The following CYB5A variants were observed in gnomAD, a reference collection of about 807,000 sequenced individuals.
CYB5A encodes the protein cytochrome b5 type A.
CYB5A carries 10 observed loss-of-function variants against 16.2 expected under a neutral mutation model. The observed-to-expected ratio is 0.62, with a 90% CI of 0.38 to 1.04. The LOEUF is 1.04. Among genes scored for constraint, CYB5A ranks in the 50% least tolerant of loss-of-function variants. The probability of loss-of-function intolerance (pLI) is 0.01; values close to 1 mark genes in which losing one functional copy is unlikely to be tolerated. For synonymous variants in CYB5A, 62 were observed against 57.0 expected, an observed-to-expected ratio of 1.09 and a Z score of -0.40; for missense variants, 161 against 165.9, an observed-to-expected ratio of 0.97 and a Z score of 0.16.
chr18:74,286,235 C>T (rs1983315750), intron 1 of CYB5A, among the ~76,000 whole-genome samples: 1 of 152,234 alleles, frequency 6.6e-6, no homozygotes, highest in Admixed American at 6.5e-5. Flanking sequence ...ACACTGTCCA[C>T]TTCCTTAACA....
intron 1 of CYB5A, among the ~76,000 whole-genome samples, chr18:74,268,150 C>G (rs893656589): frequency 2.0e-5 from 3 of 152,216 alleles, no homozygotes; most frequent in Admixed American, 2.0e-4. Flanking sequence ...GGGGAGTTCA[C>G]AGCCGGAGAG....
In CYB5A at chr18:74,251,838, A is replaced by T. The variant is rs1467561437; in HGVS notation, c.*1746T>A. ...TGCTGAGTCACTGATAAAAATGTCA[A>T]AGTTCAACTGTTATGTTTCTTAACG... On this transcript the variant is annotated 3_prime_UTR_variant, in exon 5 of 5. Coordinates refer to ENST00000340533, the MANE Select transcript of CYB5A (RefSeq NM_148923.4). 6.6e-6 allele frequency: 1 copy of T among 152,212 alleles called. No homozygotes were observed. The highest frequency in any genetic ancestry group is 2.4e-5 in the African/African-American group (1 of 41,464). 9.4% of individuals were successfully genotyped at this position (152,212 alleles called of 1,614,324 possible).
intron 1 of CYB5A, among the ~76,000 whole-genome samples, chr18:74,282,815 G>T (rs1230894064): frequency 1.2e-4 from 19 of 152,166 alleles, no homozygotes; most frequent in Non-Finnish European, 1.6e-4. Flanking sequence ...AGATCATTCA[G>T]AGCTTTCCAA....
chr18:74,258,068 C>T (rs1296719630), intron 3 of CYB5A: 2 of 152,162 alleles, frequency 1.3e-5, no homozygotes, highest in South Asian at 2.1e-4. Context: ...GTTCATCTAA[C>T]GTAAACTTTA....
chr18:74,256,115 C>T (rs982073645), intron 3 of CYB5A: 8 of 231,998 alleles, frequency 3.4e-5, no homozygotes, highest in East Asian at 2.0e-4. Flanking sequence ...CACAATCCCA[C>T]GTCACCTTTA....
At chr18:74,279,851 T>TA (rs1328904265) in intron 1 of CYB5A, among the ~76,000 whole-genome samples, 1 of 152,248 alleles carries the variant, frequency 6.6e-6, no homozygotes, top group African/African-American at 2.4e-5. Flanking sequence ...ATTCAATCAA[T>TA]AAATAACTAT....
chr18:74,272,401 C>T (rs535413370), intron 1 of CYB5A, among the ~76,000 whole-genome samples: 52 of 152,264 alleles, frequency 3.4e-4, no homozygotes, highest in Non-Finnish European at 5.9e-4. Context: ...CGTCATTGTT[C>T]CATCTGCCAT....
intron 4 of CYB5A, 86 bp from the exon 5 acceptor site, chr18:74,253,751 C>A: frequency 1.1e-6 from 1 of 921,052 alleles, no homozygotes; most frequent in Non-Finnish European, 1.8e-6. Flanking sequence ...AGAAAATTAC[C>A]AGGGCATGTT....
intron 1 of CYB5A, among the ~76,000 whole-genome samples, chr18:74,276,788 T>C (rs987432372): frequency 6.6e-6 from 1 of 152,144 alleles, no homozygotes; most frequent in Non-Finnish European, 1.5e-5. Flanking sequence ...GAGAGCCACT[T>C]TAACAGGCGT....
chr18:74,269,974 A>C (rs1343309151), intron 1 of CYB5A, among the ~76,000 whole-genome samples: 2 of 152,172 alleles, frequency 1.3e-5, no homozygotes, highest in African/African-American at 4.8e-5. Context: ...GGGGAGTTTC[A>C]GAGATGAAAC....
intron 1 of CYB5A, among the ~76,000 whole-genome samples, chr18:74,272,194 T>G (rs1409232043): frequency 1.3e-5 from 2 of 152,212 alleles, no homozygotes; most frequent in Non-Finnish European, 2.9e-5. Context: ...ATTGCTTCCT[T>G]AAACCTTTCC....
intron 1 of CYB5A, 129 bp downstream of exon 1, chr18:74,291,618 T>G (rs1983545638): frequency 2.1e-6 from 3 of 1,397,910 alleles, no homozygotes; most frequent in Middle Eastern, 1.9e-4. Context: ...CACGCGCAGG[T>G]GAGCGAACTC....
At chr18:74,256,574 G>A in intron 3 of CYB5A, 1 of 509,316 alleles carries the variant, frequency 2.0e-6, no homozygotes. Flanking sequence ...ACTTTTTGGG[G>A]CTTGAAAATG....
chr18:74,267,835 C>T (rs938849035), intron 1 of CYB5A, among the ~76,000 whole-genome samples: 3 of 152,206 alleles, frequency 2.0e-5, no homozygotes, highest in African/African-American at 7.2e-5. Context: ...CCATAACGCA[C>T]TCCTTGCTAA....
At chr18:74,262,466 A>AAG (rs1555688517) in intron 2 of CYB5A, among the ~76,000 whole-genome samples, 4 of 151,266 alleles carry the variant, frequency 2.6e-5, no homozygotes, top group Non-Finnish European at 4.4e-5. Flanking sequence ...AAAAAAAAAA[A>AAG]AAAAGAAAAG....
chr18:74,276,137 G>C (rs964002591), intron 1 of CYB5A, among the ~76,000 whole-genome samples: 1 of 152,130 alleles, frequency 6.6e-6, no homozygotes, highest in Admixed American at 6.5e-5. Flanking sequence ...ACTCCAAACG[G>C]TAGGGTGAAG....
intron 1 of CYB5A, among the ~76,000 whole-genome samples, chr18:74,288,810 G>A (rs1003943334): frequency 6.6e-6 from 1 of 152,168 alleles, no homozygotes; most frequent in Admixed American, 6.5e-5. Flanking sequence ...CAATGACCAG[G>A]ACATGCAATA....
rs570386035 is a variant in CYB5A, at chr18:74,251,899, A to G, written c.*1685T>C. ...GCTATTACTCAACATCTTAAAAATG[A>G]TTTACAAGTTAACCCTTTAATGTCA... is the stretch of plus-strand genomic sequence containing the variant. On this transcript the variant is annotated 3_prime_UTR_variant, in exon 5 of 5. Coordinates refer to ENST00000340533, the MANE Select transcript of CYB5A (RefSeq NM_148923.4). 2.6e-5 allele frequency: 4 copies of G among 152,316 alleles called. No individual in the cohort carries two copies. In the South Asian group the frequency reaches 8.3e-4, roughly 32 times the overall value. The allele number at this position is 152,316 out of a possible 1,614,324, so 9.4% of individuals were successfully genotyped here. A position where few individuals can be genotyped will look rare whatever the true frequency, so the allele number is the denominator to read the frequency against.
intron 1 of CYB5A, among the ~76,000 whole-genome samples, chr18:74,268,485 T>C (rs1003199294): frequency 1.3e-5 from 2 of 151,992 alleles, no homozygotes; most frequent in African/African-American, 4.8e-5. Context: ...CTGTGAGCAA[T>C]GAGAGAGGCC....
Sources: gnomAD v4.1 joint callset for allele counts (sites outside exome capture counted in the v4.1 genomes callset) on GRCh38, gnomAD v4.1.1 for gene constraint, MANE v1.5 for transcripts, NCBI Gene and HGNC (gene_info 2026-07-23, HGNC 2026-07-21) for gene names.